CEMIP2: variants seen among roughly 807,000 people sequenced by gnomAD.
CEMIP2 encodes cell surface hyaluronidase CEMIP2.
CEMIP2 carries 79 observed loss-of-function variants against 146.9 expected under a neutral mutation model. That is an observed-to-expected ratio of 0.54 (90% CI 0.45 to 0.65). CEMIP2 has a LOEUF of 0.65. Ranked by LOEUF, CEMIP2 falls within the 30% of genes least tolerant of loss-of-function variation. CEMIP2 has a pLI of 0.00. For missense variants in CEMIP2, 1,596 were observed against 1,696.2 expected, an observed-to-expected ratio of 0.94 and a Z score of 1.04; for synonymous variants, 601 against 606.3, an observed-to-expected ratio of 0.99 and a Z score of 0.13.
At chr9:71,693,610 C>T (rs890864638) in intron 21 of CEMIP2, among the ~76,000 whole-genome samples, 3 of 152,120 alleles carry the variant, frequency 2.0e-5, no homozygotes, top group African/African-American at 7.2e-5. Context: ...ACAATCTACT[C>T]AGGAAAAAAA....
intron 14 of CEMIP2, among the ~76,000 whole-genome samples, chr9:71,716,032 A>T (rs1303496673): frequency 6.6e-6 from 1 of 152,178 alleles, no homozygotes; most frequent in Admixed American, 6.5e-5. Context: ...GAATGAGGAG[A>T]ACAAACTTGT....
chr9:71,711,333 G>A (rs889900500), intron 16 of CEMIP2, among the ~76,000 whole-genome samples: 1 of 151,728 alleles, frequency 6.6e-6, no homozygotes, highest in African/African-American at 2.4e-5. Context: ...AGGCCAAGCT[G>A]AGAGGACCAT....
chr9:71,687,462 C>CTCTGTGTG (rs148162501), intron 22 of CEMIP2: 11 of 141,328 alleles, frequency 7.8e-5, no homozygotes, highest in Non-Finnish European at 1.5e-4. Flanking sequence ...TATTTATTTT[C>CTCTGTGTG]TGTGTGTGTG....
chr9:71,761,102 G>A (rs943206037), intron 1 of CEMIP2, among the ~76,000 whole-genome samples: 1 of 152,228 alleles, frequency 6.6e-6, no homozygotes, highest in East Asian at 1.9e-4. Flanking sequence ...GCAAGTGCAG[G>A]CGCGTCACCA....
At chr9:71,762,421 G>A (rs1274518085) in intron 1 of CEMIP2, among the ~76,000 whole-genome samples, 4 of 140,988 alleles carry the variant, frequency 2.8e-5, no homozygotes, top group Non-Finnish European at 6.0e-5. Flanking sequence ...AGGAGTTCAA[G>A]ACTATAGTGT....
chr9:71,694,695 C>T, intron 20 of CEMIP2, 88 bp from the exon 21 acceptor site: 2 of 819,166 alleles, frequency 2.4e-6, no homozygotes, highest in Non-Finnish European at 4.0e-6. Context: ...TAATTAAAGC[C>T]AGTGGTTGTA....
At chr9:71,715,227 T>A in intron 14 of CEMIP2, 138 bp from the exon 15 acceptor site, 1 of 719,930 alleles carries the variant, frequency 1.4e-6, no homozygotes, top group Non-Finnish European at 2.1e-6. Context: ...TCACAAGTCT[T>A]CAGAAACTGC....
At chr9:71,728,197 CTCTCTCT>C (rs1823447727) in intron 10 of CEMIP2, among the ~76,000 whole-genome samples, 1 of 16,888 alleles carries the variant, frequency 5.9e-5, no homozygotes, top group African/African-American at 1.6e-4. Flanking sequence ...GAAACCTTCT[CTCTCTCT>C]CTCTCTCTCT....
At chr9:71,724,124 G>C (rs1823317582) in intron 11 of CEMIP2, among the ~76,000 whole-genome samples, 1 of 151,926 alleles carries the variant, frequency 6.6e-6, no homozygotes, top group Non-Finnish European at 1.5e-5. Context: ...GTGAAACCCT[G>C]TCTCTACTAA....
intron 4 of CEMIP2, among the ~76,000 whole-genome samples, chr9:71,742,814 A>G (rs1165075539): frequency 1.3e-5 from 2 of 152,260 alleles, no homozygotes; most frequent in Non-Finnish European, 2.9e-5. Context: ...GAGATGGATC[A>G]AGGAACATTT....
chr9:71,744,869 C>G lies in CEMIP2; in HGVS notation c.1034+149G>C, dbSNP rs965432306. On this transcript the variant is annotated intron_variant, in intron 4 of 23. Coordinates refer to ENST00000377044, the MANE Select transcript of CEMIP2 (RefSeq NM_013390.3). ...GTATGTGGTGTCCTATCCTCCAGCC[C>G]CATGTCTCAAAGCTACCAGACATGC... The G allele has an allele frequency of 1.2e-4, 99 of 819,846 alleles. No individual in the cohort carries two copies. The African/African-American group carries it at 1.6e-3, about 13-fold the overall frequency. 50.8% of individuals were successfully genotyped at this position (819,846 alleles called of 1,614,324 possible). A position where few individuals can be genotyped will look rare whatever the true frequency, so the allele number is the denominator to read the frequency against.
At position 71,685,342 on chromosome 9, in the gene CEMIP2, T is replaced by C. The variant is rs1822021889; in HGVS notation, c.4007A>G (p.Lys1336Arg). The C allele has an allele frequency of 1.9e-6, 3 of 1,604,790 alleles. No individual in the cohort carries two copies. Among genetic ancestry groups the C allele is most frequent in the Non-Finnish European group, 2.5e-6 (3 of 1,178,616 alleles). The change falls in exon 24 of 24, where the codon AAG becomes AGG. Residue 1336 changes from lysine (K) to arginine (R), a missense_variant. Coordinates refer to ENST00000377044, the MANE Select transcript of CEMIP2 (RefSeq NM_013390.3). ...CTGTCCAGCAGGACTGGTAAATAGC[T>C]TAGTCCATGATGGTTTAAAGTTTCC... ...FSGNFKPSWT[K>R]LFTSPAGQGL...
chr9:71,703,251 G>A (rs73647005), intron 18 of CEMIP2, among the ~76,000 whole-genome samples: 2,492 of 152,266 alleles, frequency 0.016, 72 homozygotes, highest in African/African-American at 0.055. Flanking sequence ...GTGCAGTTAC[G>A]GATAAGATGG....
At chr9:71,753,540 T>C (rs1824321462) in intron 1 of CEMIP2, among the ~76,000 whole-genome samples, 1 of 152,194 alleles carries the variant, frequency 6.6e-6, no homozygotes, top group Non-Finnish European at 1.5e-5. Context: ...ATGTTCTGAA[T>C]CCATTACCTC....
chr9:71,713,775 C>T (rs976901719), intron 15 of CEMIP2, among the ~76,000 whole-genome samples: 5 of 152,190 alleles, frequency 3.3e-5, no homozygotes, highest in Admixed American at 2.6e-4. Flanking sequence ...ATTCCACCTT[C>T]TCTACCTTTA....
chr9:71,690,351 A>G, intron 21 of CEMIP2, 105 bp from the exon 22 acceptor site: 1 of 1,342,534 alleles, frequency 7.4e-7, no homozygotes, highest in Non-Finnish European at 1.0e-6. Context: ...CCCATGATTC[A>G]AAGTATATTT....
At chr9:71,728,340 G>T (rs1823511222) in intron 10 of CEMIP2, among the ~76,000 whole-genome samples, 2 of 96,720 alleles carry the variant, frequency 2.1e-5, no homozygotes, top group Non-Finnish European at 4.1e-5. Flanking sequence ...TATCTCAGCA[G>T]GTATGATGGC....
At chr9:71,766,213 C>T (rs369371322) in intron 1 of CEMIP2, among the ~76,000 whole-genome samples, 10 of 151,902 alleles carry the variant, frequency 6.6e-5, no homozygotes, top group Admixed American at 4.6e-4. Context: ...GGATTACAGG[C>T]GTGCACCACC....
chr9:71,700,925 C>T lies in CEMIP2; in HGVS notation c.3195-101G>A. The T allele has an allele frequency of 6.6e-6, 7 of 1,054,862 alleles. No homozygotes were observed. The South Asian group carries it at 1.4e-4, about 20-fold the overall frequency. The allele number at this position is 1,054,862 out of a possible 1,614,324, so 65.3% of individuals were successfully genotyped here. A position where few individuals can be genotyped will look rare whatever the true frequency, so the allele number is the denominator to read the frequency against. On this transcript the variant is annotated intron_variant, in intron 18 of 23. Transcript: ENST00000377044. ...ACTGTCCTTCATGTGCCACTTCTTCCACTTCCTGCCCATAGTTTTCTCCTC... is the reference window on the plus strand; with the variant it reads ...ACTGTCCTTCATGTGCCACTTCTTCTACTTCCTGCCCATAGTTTTCTCCTC...
Sources: allele counts gnomAD v4.1 joint callset (sites outside exome capture counted in the v4.1 genomes callset), GRCh38; gene constraint gnomAD v4.1.1; transcripts MANE v1.5; gene names NCBI Gene and HGNC (gene_info 2026-07-23, HGNC 2026-07-21).